The following MAF variants were observed in gnomAD, a reference collection of about 807,000 sequenced individuals.
MAF encodes the protein MAF bZIP transcription factor.
MAF carries 10 observed loss-of-function variants against 22.0 expected under a neutral mutation model. The observed-to-expected ratio is 0.45, with a 90% CI of 0.28 to 0.77. The LOEUF (loss-of-function observed/expected upper bound fraction) is 0.77. Among genes scored for constraint, MAF ranks in the 30% least tolerant of loss-of-function variants. MAF has a pLI of 0.12. For missense variants in MAF, 544 were observed against 548.4 expected, an observed-to-expected ratio of 0.99 and a Z score of 0.08; for synonymous variants, 337 against 255.8, an observed-to-expected ratio of 1.32 and a Z score of -3.03.
the MAF span, among the ~76,000 whole-genome samples, chr16:79,276,979 A>G: frequency 2.2e-4 from 34 of 151,726 alleles, no homozygotes; most frequent in Admixed American, 1.3e-3. Context: ...CTCTGTTCTC[A>G]TTTCTCATGG....
the MAF span, among the ~76,000 whole-genome samples, chr16:79,496,920 C>T: frequency 4.6e-5 from 7 of 152,304 alleles, no homozygotes; most frequent in East Asian, 1.3e-3. Flanking sequence ...TAAGGTTCTA[C>T]ACAGTAGCAG....
chr16:79,482,057 G>A, the MAF span, among the ~76,000 whole-genome samples: 7 of 152,156 alleles, frequency 4.6e-5, no homozygotes, highest in Non-Finnish European at 1.0e-4. Flanking sequence ...GGGTTCGGGG[G>A]CAGGCAAGAA....
chr16:79,537,635 G>A, the MAF span, among the ~76,000 whole-genome samples: 9 of 152,268 alleles, frequency 5.9e-5, no homozygotes, highest in East Asian at 1.7e-3. Context: ...GGAACAGGTT[G>A]CTGATTGCTG....
the MAF span, among the ~76,000 whole-genome samples, chr16:79,462,206 C>G: frequency 6.6e-6 from 1 of 152,180 alleles, no homozygotes; most frequent in Non-Finnish European, 1.5e-5. Context: ...TATGCCATAC[C>G]AGGCACCGTG....
At chr16:79,395,851 T>C in the MAF span, among the ~76,000 whole-genome samples, 54 of 152,002 alleles carry the variant, frequency 3.6e-4, no homozygotes, top group South Asian at 7.3e-3. Flanking sequence ...CTGGGGATGA[T>C]GAAAGAGGAC....
chr16:79,353,177 A>T, the MAF span, among the ~76,000 whole-genome samples: 1 of 151,346 alleles, frequency 6.6e-6, no homozygotes, highest in East Asian at 1.9e-4. Flanking sequence ...GCTGGAGAGC[A>T]GCTGCGCAAT....
chr16:79,210,576 T>C, the MAF span, among the ~76,000 whole-genome samples: 1 of 152,142 alleles, frequency 6.6e-6, no homozygotes, highest in African/African-American at 2.4e-5. Flanking sequence ...CCTCTCCCTC[T>C]CATCAGCTGA....
At chr16:79,207,610 C>CTAT in the MAF span, among the ~76,000 whole-genome samples, 1 of 152,194 alleles carries the variant, frequency 6.6e-6, no homozygotes, top group Non-Finnish European at 1.5e-5. Flanking sequence ...GATATTGTGT[C>CTAT]TATTTTTTAT....
At chr16:79,415,015 G>A in the MAF span, among the ~76,000 whole-genome samples, 10 of 152,318 alleles carry the variant, frequency 6.6e-5, no homozygotes, top group South Asian at 1.7e-3. Flanking sequence ...GAGTTGACAT[G>A]TTTGTTTCCC....
At chr16:79,309,955 G>A in the MAF span, among the ~76,000 whole-genome samples, 1 of 152,162 alleles carries the variant, frequency 6.6e-6, no homozygotes, top group African/African-American at 2.4e-5. Flanking sequence ...GAGGTTAATA[G>A]CCTGGTGACA....
chr16:79,479,738 A>G, the MAF span, among the ~76,000 whole-genome samples: 27 of 152,356 alleles, frequency 1.8e-4, no homozygotes, highest in Middle Eastern at 3.4e-3. Context: ...GAACCAGACT[A>G]CTACGTGCTA....
the MAF span, among the ~76,000 whole-genome samples, chr16:79,519,770 G>T: frequency 1.3e-5 from 2 of 152,232 alleles, no homozygotes; most frequent in Non-Finnish European, 2.9e-5. Flanking sequence ...GACGCTGAGC[G>T]TCCTCTGAAC....
the MAF span, among the ~76,000 whole-genome samples, chr16:79,431,609 G>C: frequency 6.6e-6 from 1 of 152,114 alleles, no homozygotes; most frequent in South Asian, 2.1e-4. Context: ...GTTATAATTG[G>C]AGACATTTAC....
chr16:79,571,910 G>C, the MAF span, among the ~76,000 whole-genome samples: 3,233 of 152,270 alleles, frequency 0.021, 74 homozygotes, highest in Non-Finnish European at 0.027. Flanking sequence ...CAAAGAATTA[G>C]AACTGCAAAA....
chr16:79,438,786 A>T, the MAF span, among the ~76,000 whole-genome samples: 3 of 152,164 alleles, frequency 2.0e-5, no homozygotes, highest in Non-Finnish European at 2.9e-5. Flanking sequence ...AAGCGCTAGG[A>T]AGAAATAAAA....
At chr16:79,480,649 C>T in the MAF span, among the ~76,000 whole-genome samples, 1 of 152,166 alleles carries the variant, frequency 6.6e-6, no homozygotes, top group African/African-American at 2.4e-5. Context: ...GTATCTCTAT[C>T]TGAGATGGGA....
At chr16:79,341,570 C>G in the MAF span, among the ~76,000 whole-genome samples, 1 of 152,220 alleles carries the variant, frequency 6.6e-6, no homozygotes, top group African/African-American at 2.4e-5. Flanking sequence ...TTCCCCACCC[C>G]TGGAGTGACT....
At chr16:79,209,279 A>C in the MAF span, among the ~76,000 whole-genome samples, 1 of 152,242 alleles carries the variant, frequency 6.6e-6, no homozygotes, top group East Asian at 1.9e-4. Context: ...TGGCATTCTG[A>C]ATCAATGGGA....
chr16:79,345,669 A>G, the MAF span, among the ~76,000 whole-genome samples: 1 of 132,840 alleles, frequency 7.5e-6, no homozygotes, highest in African/African-American at 2.8e-5. Flanking sequence ...TGGAGCTTGC[A>G]GTAAGCCAAG....
Sources: gnomAD v4.1 joint callset for allele counts (sites outside exome capture counted in the v4.1 genomes callset) on GRCh38, gnomAD v4.1.1 for gene constraint, MANE v1.5 for transcripts, NCBI Gene and HGNC (gene_info 2026-07-23, HGNC 2026-07-21) for gene names.